TMEM31: variants seen among roughly 807,000 people sequenced by gnomAD.
TMEM31 encodes transmembrane protein 31, also known as testicular secretory protein Li 58.
A neutral mutation model predicts 2.4 loss-of-function variants in TMEM31; 1 was observed. That is an observed-to-expected ratio of 0.42 (90% CI 0.15 to 1.97). The LOEUF (loss-of-function observed/expected upper bound fraction) is 1.97. Ranked by LOEUF, TMEM31 falls within the 30% of genes most tolerant of loss-of-function variation. The pLI is 0.30. For synonymous variants in TMEM31, 47 were observed against 45.8 expected (o/e 1.03, Z -0.10); for missense variants, 119 against 121.3 (o/e 0.98, Z 0.09).
At chrX:103,711,606 A>C (rs1001923670) in intron 1 of TMEM31, among the ~76,000 whole-genome samples, 4 of 111,909 alleles carry the variant, frequency 3.6e-5, no homozygotes, top group African/African-American at 1.3e-4. Context: ...GGTTTCTTGA[A>C]GAATGAGTCC....
At position 103,713,610 on chromosome X, in the gene TMEM31, A is replaced by G. The variant is rs2074233350; in HGVS notation, c.119A>G (p.Gln40Arg). 1.6e-6 allele frequency: 2 copies of G among 1,212,176 alleles called. No individual in the cohort carries two copies. Among genetic ancestry groups the G allele is most frequent in the Non-Finnish European group, 1.1e-6 (1 of 895,630 alleles). The change falls in exon 3 of 3, where the codon CAG becomes CGG. Residue 40 changes from glutamine (Q) to arginine (R), a missense_variant. By Grantham distance (43) the Gln-to-Arg change is conservative. Transcript: ENST00000319560. Reference protein sequence around the residue: ...QQSEQHTPARQRTQRADTQPS... With the variant: ...QQSEQHTPARRRTQRADTQPS... ...TTATGGCAGCATACTCCAGCAAGGCAGCGAACACAAAGAGCAGACACACAG... is the reference window on the plus strand; with the variant it reads ...TTATGGCAGCATACTCCAGCAAGGCGGCGAACACAAAGAGCAGACACACAG...
chrX:103,712,876 C>G (rs1320713529), intron 2 of TMEM31, among the ~76,000 whole-genome samples: 2 of 112,131 alleles, frequency 1.8e-5, no homozygotes, highest in Admixed American at 1.9e-4. Context: ...TACTAGCTAA[C>G]ATATCTTCAG....
At chrX:103,712,639 C>A (rs1286183441) in intron 2 of TMEM31, among the ~76,000 whole-genome samples, 1 of 111,940 alleles carries the variant, frequency 8.9e-6, no homozygotes, top group African/African-American at 3.2e-5. Flanking sequence ...TCAAGTGATT[C>A]TCCTGCCTCA....
In TMEM31 at chrX:103,712,232, C is replaced by T; in HGVS notation, c.-23-4C>T. On this transcript the variant is annotated splice_region_variant and splice_polypyrimidine_tract_variant and intron_variant, in intron 1 of 2. Coordinates refer to ENST00000319560, the MANE Select transcript of TMEM31 (RefSeq NM_182541.2). The stretch of plus-strand genomic sequence containing the variant: ...ACGACAAGATTTCTTTTATATTTCC[C>T]CAGGTGATCACTTTACTGTAGAAGA... 2.6e-6 allele frequency: 3 copies of T among 1,165,060 alleles called. No homozygotes were observed. Among genetic ancestry groups the T allele is most frequent in the Non-Finnish European group, 3.5e-6 (3 of 862,676 alleles).
chrX:103,713,545 C>T lies in TMEM31; in HGVS notation c.103-49C>T, dbSNP rs760985980. ...CAAGCGTTGGCGCCTCTGCCTTCTT[C>T]GAAGTCGTATGAATTCTTTATGCTG... is the stretch of plus-strand genomic sequence containing the variant. On this transcript the variant is annotated intron_variant, in intron 2 of 2. Coordinates refer to ENST00000319560, the MANE Select transcript of TMEM31 (RefSeq NM_182541.2). The T allele has an allele frequency of 7.6e-5, 92 of 1,209,791 alleles. 1 individual carries two copies. The highest frequency in any genetic ancestry group is 4.6e-4 in the Middle Eastern group (2 of 4,371).
chrX:103,713,038 T>G (rs1389491765), intron 2 of TMEM31, among the ~76,000 whole-genome samples: 2 of 111,593 alleles, frequency 1.8e-5, no homozygotes, highest in African/African-American at 3.3e-5. Context: ...ATTAAAGTAC[T>G]TAGCTTAACA....
intron 2 of TMEM31, 94 bp from the exon 3 acceptor site, chrX:103,713,500 C>T (rs745680071): frequency 8.3e-5 from 99 of 1,199,832 alleles, no homozygotes; most frequent in Non-Finnish European, 1.1e-4. Flanking sequence ...GGCAGTGGGC[C>T]GCTCCCTAGT....
chrX:103,711,483 C>CAAA (rs55932537), intron 1 of TMEM31, among the ~76,000 whole-genome samples: 1 of 62,711 alleles, frequency 1.6e-5, no homozygotes, highest in Non-Finnish European at 3.1e-5. Flanking sequence ...GACTCCGTCT[C>CAAA]AAAAAAAAAA....
Sources: allele counts gnomAD v4.1 joint callset (sites outside exome capture counted in the v4.1 genomes callset), GRCh38; gene constraint gnomAD v4.1.1; transcripts MANE v1.5; gene names NCBI Gene and HGNC (gene_info 2026-07-23, HGNC 2026-07-21).